PCDHA6: variants seen among roughly 807,000 people sequenced by gnomAD.
PCDHA6 encodes the protein protocadherin alpha 6, also known as protocadherin alpha-6.
Under a neutral mutation model 60.3 loss-of-function variants are expected in PCDHA6, and 55 were observed. The ratio of observed to expected loss-of-function variants is 0.91; its 90% confidence interval spans 0.73 to 1.14. PCDHA6 has a LOEUF of 1.14. Ranked by LOEUF, PCDHA6 falls within the 50% of genes most tolerant of loss-of-function variation. The pLI is 0.00. For synonymous variants in PCDHA6, 652 were observed against 557.9 expected, an observed-to-expected ratio of 1.17 and a Z score of -2.38; for missense variants, 1,327 against 1,256.5, an observed-to-expected ratio of 1.06 and a Z score of -0.85.
chr5:140,968,287 C>T lies in PCDHA6; in HGVS notation c.2395-10662C>T, dbSNP rs7712041. Reference sequence around the variant, plus strand: ...AGGAGAATGCAGAGGTGACCTACTCCCTTCTGGAGAGGGAGATTCAAGGGC... The same window carrying T: ...AGGAGAATGCAGAGGTGACCTACTCTCTTCTGGAGAGGGAGATTCAAGGGC... On this transcript the variant is annotated intron_variant, in intron 1 of 3. Coordinates refer to ENST00000529310, the MANE Select transcript of PCDHA6 (RefSeq NM_018909.4). The T allele has an allele frequency of 2.5e-3, 4,093 of 1,613,902 alleles. 64 individuals are homozygous for T. In the African/African-American group the frequency reaches 0.039, roughly 16 times the overall value.
At position 140,836,068 on chromosome 5, in the gene PCDHA6, C is replaced by T. The variant is rs2150251885; in HGVS notation, c.2394+5583C>T. 8.1e-6 allele frequency: 13 copies of T among 1,613,540 alleles called. No individual in the cohort carries two copies. The highest frequency in any genetic ancestry group is 1.6e-4 in the Middle Eastern group (1 of 6,084). ...TTCGTGCTGGACGAGAACGACAACG[C>T]GCCGGCACTGCTGGCGCCTCGGGTG... On this transcript the variant is annotated intron_variant, in intron 1 of 3. Coordinates refer to ENST00000529310, the MANE Select transcript of PCDHA6 (RefSeq NM_018909.4).
intron 1 of PCDHA6, among the ~76,000 whole-genome samples, chr5:140,937,039 C>CTTT (rs34994034): frequency 3.6e-5 from 5 of 140,162 alleles, no homozygotes; most frequent in African/African-American, 5.3e-5. Context: ...TTCCATTTAT[C>CTTT]TTTTTTTTTT....
chr5:140,994,665 A>G (rs555985538), intron 3 of PCDHA6, among the ~76,000 whole-genome samples: 1 of 152,294 alleles, frequency 6.6e-6, no homozygotes, highest in East Asian at 1.9e-4. Flanking sequence ...AGATCACACT[A>G]CTGCACTCCA....
intron 1 of PCDHA6, chr5:140,861,550 T>G: frequency 2.4e-6 from 1 of 415,394 alleles, no homozygotes; most frequent in South Asian, 2.1e-5. Flanking sequence ...CACCTGGAAG[T>G]GATCGTGGAC....
intron 1 of PCDHA6, chr5:140,853,268 G>A: frequency 9.2e-6 from 9 of 975,960 alleles, no homozygotes; most frequent in Non-Finnish European, 1.1e-5. Context: ...CAGAGTACAA[G>A]CTCTCATCAT....
intron 1 of PCDHA6, among the ~76,000 whole-genome samples, chr5:140,943,778 G>A (rs1554215923): frequency 6.6e-6 from 1 of 152,242 alleles, no homozygotes; most frequent in African/African-American, 2.4e-5. Flanking sequence ...AAACTAGGAA[G>A]TGGTCCTTTA....
intron 1 of PCDHA6, chr5:140,929,108 C>T (rs1255119645): frequency 6.2e-7 from 1 of 1,614,080 alleles, no homozygotes; most frequent in African/African-American, 1.3e-5. Flanking sequence ...TGCATGACAT[C>T]AGCCACCATA....
intron 1 of PCDHA6, chr5:140,862,749 G>C: frequency 1.7e-6 from 1 of 579,636 alleles, no homozygotes; most frequent in Non-Finnish European, 3.3e-6. Flanking sequence ...GGGTGCACGC[G>C]GAGAGCGGCA....
intron 1 of PCDHA6, among the ~76,000 whole-genome samples, chr5:140,894,564 T>C (rs1554186142): frequency 6.6e-6 from 1 of 151,978 alleles, no homozygotes; most frequent in Non-Finnish European, 1.5e-5. Context: ...GAAAAAATTA[T>C]TTTCCTTTTT....
chr5:140,917,960 T>C (rs531936377), intron 1 of PCDHA6, among the ~76,000 whole-genome samples: 8 of 152,316 alleles, frequency 5.3e-5, no homozygotes, highest in East Asian at 3.9e-4. Context: ...AGGAACATCA[T>C]TGAATCTGTG....
chr5:140,836,448 C>T, intron 1 of PCDHA6: 1 of 1,613,824 alleles, frequency 6.2e-7, no homozygotes, highest in Non-Finnish European at 8.5e-7. Context: ...CATTGCAGGC[C>T]CAGAGACCGA....
chr5:140,853,741 G>C, intron 1 of PCDHA6: 1 of 988,438 alleles, frequency 1.0e-6, no homozygotes, highest in East Asian at 1.1e-4. Flanking sequence ...TGAATGTTCT[G>C]GTTCAAGGCT....
chr5:141,000,223 G>C (rs1190945878), intron 3 of PCDHA6, among the ~76,000 whole-genome samples: 1 of 151,642 alleles, frequency 6.6e-6, no homozygotes, highest in African/African-American at 2.4e-5. Context: ...AAATGCCTGT[G>C]TGGAGCTGAA....
At chr5:140,925,523 A>G (rs2082536331) in intron 1 of PCDHA6, among the ~76,000 whole-genome samples, 1 of 152,138 alleles carries the variant, frequency 6.6e-6, no homozygotes, top group African/African-American at 2.4e-5. Flanking sequence ...ACCAAATTAA[A>G]AGCGAGGAGA....
chr5:140,840,473 G>A (rs1487904967), intron 1 of PCDHA6, among the ~76,000 whole-genome samples: 6 of 151,942 alleles, frequency 3.9e-5, no homozygotes, highest in Admixed American at 3.9e-4. Context: ...GGGGAAAAAA[G>A]TTTAAAGGCA....
intron 1 of PCDHA6, chr5:140,866,095 A>G (rs1475761817): frequency 6.6e-6 from 1 of 152,152 alleles, no homozygotes; most frequent in East Asian, 1.9e-4. Flanking sequence ...TGTAATTGTT[A>G]AGTAATTAAG....
chr5:140,846,374 T>C (rs1024304715), intron 1 of PCDHA6, among the ~76,000 whole-genome samples: 1 of 30,854 alleles, frequency 3.2e-5, no homozygotes, highest in African/African-American at 1.1e-4. Context: ...TCTTTCTTTC[T>C]TTTTTTTTTT....
chr5:140,853,897 G>A, intron 1 of PCDHA6: 2 of 967,612 alleles, frequency 2.1e-6, no homozygotes, highest in Non-Finnish European at 2.5e-6. Context: ...AAAAGATGTG[G>A]TGGCCTGACA....
chr5:140,883,860 T>C, intron 1 of PCDHA6: 2 of 1,613,044 alleles, frequency 1.2e-6, no homozygotes, highest in Non-Finnish European at 1.7e-6. Flanking sequence ...CTGGAGCTGT[T>C]GCAGTTCCAG....
Sources: gnomAD v4.1 joint callset for allele counts (sites outside exome capture counted in the v4.1 genomes callset) on GRCh38, gnomAD v4.1.1 for gene constraint, MANE v1.5 for transcripts, NCBI Gene and HGNC (gene_info 2026-07-23, HGNC 2026-07-21) for gene names.